Variants in CTNNA2 observed in about 807,000 individuals in gnomAD.
The protein encoded by CTNNA2 is catenin alpha 2.
Under a neutral mutation model 101.0 loss-of-function variants are expected in CTNNA2, and 42 were observed. The ratio of observed to expected loss-of-function variants is 0.42; its 90% CI spans 0.32 to 0.54. The LOEUF (loss-of-function observed/expected upper bound fraction) is 0.54. Ranked by LOEUF, CTNNA2 falls within the 20% of genes least tolerant of loss-of-function variation. CTNNA2 has a pLI of 0.14. For missense variants in CTNNA2, 871 were observed against 1,223.1 expected, an observed-to-expected ratio of 0.71 and a Z score of 4.29; for synonymous variants, 450 against 456.4, an observed-to-expected ratio of 0.99 and a Z score of 0.18.
rs1233027109 is a variant in CTNNA2 at position 79,222,837 on chromosome 2, GC to G, written c.-406+24762del. On this transcript the variant is annotated intron_variant, in intron 2 of 21. Transcript: ENST00000466387. ...CAGAAGGGTGGAGCTCTCATGAATGGCATTAGCGCCCTTATGAAAGAGGCCC... is the reference window on the plus strand; with the variant it reads ...CAGAAGGGTGGAGCTCTCATGAATGGATTAGCGCCCTTATGAAAGAGGCCC... Among the ~76,000 whole-genome samples, 4 of 152,178 alleles carry G rather than the reference GC, an allele frequency of 2.6e-5. No homozygotes were observed. In the South Asian group the frequency reaches 8.3e-4, roughly 32 times the overall value.
Position 80,647,799 on chromosome 2 carries a change from G to C in CTNNA2, c.2789G>C (p.Arg930Pro). The C allele has an allele frequency of 6.2e-7, 1 of 1,613,604 alleles. No homozygotes were observed. The highest frequency in any genetic ancestry group is 8.5e-7 in the Non-Finnish European group (1 of 1,179,622). Residue 930 changes from arginine to proline, a missense_variant, in exon 19 of 19, where the codon CGA becomes CCA. Around this residue, in one of 5 missense-constraint regions of CTNNA2, gnomAD observed 41 missense variants for 45.1 expected, o/e 0.91. Coordinates refer to ENST00000402739, the MANE Select transcript of CTNNA2 (RefSeq NM_001282597.3). ...EKPEEFQTRV[R>P]RGSQKKHISP... ...CCTGAAGAATTCCAGACACGAGTTC[G>C]ACGAGGTTCTCAGAAGAAACACATT...
intron 7 of CTNNA2, among the ~76,000 whole-genome samples, chr2:80,160,328 C>A (rs1008667965): frequency 2.0e-5 from 3 of 152,248 alleles, no homozygotes; most frequent in South Asian, 4.1e-4. Flanking sequence ...GTTATTTATA[C>A]GTACAAAAGT....
At chr2:80,114,387 G>A (rs532378501) in intron 7 of CTNNA2, among the ~76,000 whole-genome samples, 22 of 152,128 alleles carry the variant, frequency 1.4e-4, no homozygotes, top group Non-Finnish European at 2.9e-4. Flanking sequence ...TGAAAACACA[G>A]GTATCAAATA....
chr2:80,245,618 G>C (rs1244649455), intron 7 of CTNNA2, among the ~76,000 whole-genome samples: 1 of 151,302 alleles, frequency 6.6e-6, no homozygotes, highest in Non-Finnish European at 1.5e-5. Flanking sequence ...GTACATTCCT[G>C]CCCCTTCTCT....
At chr2:79,642,806 C>G (rs1318601024) in intron 1 of CTNNA2, among the ~76,000 whole-genome samples, 1 of 151,408 alleles carries the variant, frequency 6.6e-6, no homozygotes, top group Admixed American at 6.6e-5. Context: ...AACTTCTGCT[C>G]CTATCTGTGA....
At chr2:80,332,253 C>A (rs1396428074) in intron 7 of CTNNA2, among the ~76,000 whole-genome samples, 1 of 152,160 alleles carries the variant, frequency 6.6e-6, no homozygotes, top group Non-Finnish European at 1.5e-5. Flanking sequence ...GTTGAACAGG[C>A]ATTACTATAT....
intron 7 of CTNNA2, among the ~76,000 whole-genome samples, chr2:80,098,100 A>C (rs1428854092): frequency 2.0e-5 from 3 of 152,046 alleles, no homozygotes; most frequent in African/African-American, 4.8e-5. Context: ...TAGAGTTTCC[A>C]GTTTTTCTGC....
chr2:79,913,880 T>A (rs1685986336), intron 7 of CTNNA2, among the ~76,000 whole-genome samples: 1 of 152,112 alleles, frequency 6.6e-6, no homozygotes, highest in African/African-American at 2.4e-5. Flanking sequence ...GAAAGTAGCT[T>A]ACTTGGGCCG....
intron 7 of CTNNA2, among the ~76,000 whole-genome samples, chr2:80,003,598 G>T (rs1693116766): frequency 6.6e-6 from 1 of 152,082 alleles, no homozygotes; most frequent in Non-Finnish European, 1.5e-5. Context: ...CCTCTTAGTT[G>T]TCCACAAGTA....
At chr2:80,183,197 C>A (rs72926674) in intron 7 of CTNNA2, among the ~76,000 whole-genome samples, 26,611 of 152,004 alleles carry the variant, frequency 0.18, 3,034 homozygotes, top group African/African-American at 0.31. Flanking sequence ...CCCTCACCAG[C>A]ATACACACTT....
At chr2:79,803,502 A>G (rs1239936493) in intron 3 of CTNNA2, among the ~76,000 whole-genome samples, 1 of 152,270 alleles carries the variant, frequency 6.6e-6, no homozygotes, top group African/African-American at 2.4e-5. Context: ...TAACTGCAGC[A>G]GGGACACGCT....
intron 4 of CTNNA2, among the ~76,000 whole-genome samples, chr2:79,487,709 C>G (rs977312063): frequency 6.6e-6 from 1 of 152,162 alleles, no homozygotes; most frequent in African/African-American, 2.4e-5. Context: ...ACTCCAGCTC[C>G]TCACATCTCA....
chr2:80,613,435 A>G (rs982752572), intron 17 of CTNNA2, among the ~76,000 whole-genome samples: 2 of 151,404 alleles, frequency 1.3e-5, no homozygotes, highest in African/African-American at 4.8e-5. Context: ...TTAATGAGAA[A>G]GTAAAAATTT....
At chr2:79,525,488 GAGCCATTCTATT>G (rs1197427827) in intron 1 of CTNNA2, among the ~76,000 whole-genome samples, 1 of 151,838 alleles carries the variant, frequency 6.6e-6, no homozygotes, top group Non-Finnish European at 1.5e-5. Flanking sequence ...AAAACCCTGT[GAGCCATTCTATT>G]AGGTTGGTGC....
intron 7 of CTNNA2, among the ~76,000 whole-genome samples, chr2:80,225,924 T>C (rs1708864024): frequency 1.3e-5 from 2 of 152,224 alleles, no homozygotes; most frequent in Admixed American, 1.3e-4. Context: ...CAACCAAAAA[T>C]ACTGATTAGA....
chr2:79,664,098 G>A (rs1361858660), intron 2 of CTNNA2, among the ~76,000 whole-genome samples: 1 of 152,132 alleles, frequency 6.6e-6, no homozygotes, highest in Non-Finnish European at 1.5e-5. Context: ...ACCTCACTAA[G>A]CAATGAAATG....
intron 4 of CTNNA2, among the ~76,000 whole-genome samples, chr2:79,379,658 C>T (rs773782925): frequency 6.6e-6 from 1 of 152,140 alleles, no homozygotes; most frequent in Non-Finnish European, 1.5e-5. Flanking sequence ...CAACAATTTA[C>T]TTGAGCTAAA....
chr2:80,055,878 C>T (rs182515021), intron 7 of CTNNA2, among the ~76,000 whole-genome samples: 355 of 152,266 alleles, frequency 2.3e-3, no homozygotes, highest in African/African-American at 4.9e-3. Context: ...ACCCAGGATA[C>T]GTGCAAAACC....
chr2:79,378,622 A>G (rs1036658794), intron 4 of CTNNA2, among the ~76,000 whole-genome samples: 6 of 152,150 alleles, frequency 3.9e-5, no homozygotes, highest in Admixed American at 3.9e-4. Flanking sequence ...GAGAGTTTCC[A>G]TTCTACATAA....
Sources: allele counts gnomAD v4.1 joint callset (sites outside exome capture counted in the v4.1 genomes callset), GRCh38; gene constraint gnomAD v4.1.1; regional missense constraint gnomAD v4.1.1; transcripts MANE v1.5; gene names NCBI Gene and HGNC (gene_info 2026-07-23, HGNC 2026-07-21).